The following GP6 variants were observed in gnomAD, a reference collection of about 807,000 sequenced individuals.
GP6 encodes glycoprotein VI platelet.
GP6 carries 45 observed loss-of-function variants against 37.3 expected under a neutral mutation model. The observed-to-expected ratio is 1.21, with a 90% CI of 0.95 to 1.55. The LOEUF (loss-of-function observed/expected upper bound fraction) is 1.55, where lower values mean the gene tolerates loss of function less well. Ranked by LOEUF, GP6 falls within the 40% of genes most tolerant of loss-of-function variation. The probability of loss-of-function intolerance (pLI) is 0.00; values close to 1 mark genes in which losing one functional copy is unlikely to be tolerated. For missense variants in GP6, 813 were observed against 760.2 expected, an observed-to-expected ratio of 1.07 and a Z score of -0.82; for synonymous variants, 340 against 316.4, an observed-to-expected ratio of 1.07 and a Z score of -0.79.
chr19:55,015,016 G>A lies in GP6; in HGVS notation c.929C>T (p.Ala310Val), dbSNP rs534709050. The change falls in exon 8 of 8, where the codon GCT becomes GTT. Residue 310 changes from alanine (A) to valine (V), a missense_variant. Physicochemically the swap from Ala to Val is moderately conservative, Grantham distance 64. Transcript: ENST00000310373. ...AGCGGGAGGGGCGGGAGGGGCGGAAGCGGCCTCTGCACAGCCCTGCCCCTG... is the reference window on the plus strand; with the variant it reads ...AGCGGGAGGGGCGGGAGGGGCGGAAACGGCCTCTGCACAGCCCTGCCCCTG... The A allele has an allele frequency of 5.5e-5, 89 of 1,612,082 alleles. 1 individual carries two copies. In the South Asian group the frequency reaches 9.1e-4, roughly 17 times the overall value.
chr19:55,030,638 C>T (rs564580364), intron 3 of GP6, among the ~76,000 whole-genome samples: 4 of 151,710 alleles, frequency 2.6e-5, no homozygotes, highest in South Asian at 2.1e-4. Context: ...CCGCCGCGCC[C>T]GGCCCAACCT....
rs1237760963 is a variant in GP6 at position 55,032,374 on chromosome 19, G to A, written c.90C>T (p.Leu30=). 2 of 1,613,452 alleles carry A rather than the reference G, an allele frequency of 1.2e-6. No homozygotes were observed. Among genetic ancestry groups the A allele is most frequent in the African/African-American group, 1.3e-5 (1 of 74,942 alleles). ...GCACCAGGGAGCTGGGCAGAGCCTG[G>A]AGGGAGGGCTTGGGGAGCGGTCCTG... Residue 30 remains leucine (L), a synonymous_variant, in exon 3 of 8, where the codon CTC becomes CTT. Transcript: ENST00000310373.
intron 3 of GP6, among the ~76,000 whole-genome samples, chr19:55,028,523 CTG>C (rs1026332325): frequency 3.9e-5 from 6 of 152,202 alleles, no homozygotes; most frequent in African/African-American, 9.6e-5. Flanking sequence ...AAAAAGTTAA[CTG>C]TGTCAGGTGA....
chr19:55,031,791 C>A (rs10409317), intron 3 of GP6, among the ~76,000 whole-genome samples: 1 of 151,844 alleles, frequency 6.6e-6, no homozygotes, highest in Non-Finnish European at 1.5e-5. Context: ...TGAAAACTGT[C>A]AAGAGACCCC....
At chr19:55,021,049 TTAAA>T in intron 5 of GP6, among the ~76,000 whole-genome samples, 1 of 50,236 alleles carries the variant, frequency 2.0e-5, no homozygotes. Context: ...GAGACTCTGT[TTAAA>T]AAAAAAAAAA....
chr19:55,034,338 C>G (rs191992694), intron 1 of GP6, among the ~76,000 whole-genome samples: 31 of 152,100 alleles, frequency 2.0e-4, no homozygotes, highest in African/African-American at 7.2e-4. Context: ...GGGCGGATCA[C>G]AAGGTCAGGA....
At chr19:55,015,774 T>C in intron 6 of GP6, 41 bp from the exon 7 acceptor site, 1 of 1,056,136 alleles carries the variant, frequency 9.5e-7, no homozygotes, top group Non-Finnish European at 1.5e-6. Flanking sequence ...TGAAACCATA[T>C]TCCCGCCCCC....
chr19:55,029,933 A>T (rs928363872), intron 3 of GP6, among the ~76,000 whole-genome samples: 1 of 152,058 alleles, frequency 6.6e-6, no homozygotes, highest in Non-Finnish European at 1.5e-5. Flanking sequence ...AGGATTTATA[A>T]CGCGGAATAG....
In GP6 at chr19:55,014,363, G is replaced by A. The variant is rs760673543; in HGVS notation, c.1582C>T (p.Arg528Cys). 52 of 1,612,334 alleles carry A rather than the reference G, an allele frequency of 3.2e-5. No individual in the cohort carries two copies. The East Asian group carries it at 6.0e-4, about 19-fold the overall frequency. The change falls in exon 8 of 8, where the codon CGT becomes TGT. Residue 528 changes from arginine to cysteine, a missense_variant. Arg to Cys is a radical substitution (Grantham distance 180). Transcript: ENST00000310373. ...TCTAATGTGAAGGGAAGCGGGCAACGTGCTAGTTTTACACTAAGGAAAATG... is the reference window on the plus strand; with the variant it reads ...TCTAATGTGAAGGGAAGCGGGCAACATGCTAGTTTTACACTAAGGAAAATG...
intron 1 of GP6, 107 bp from the exon 2 acceptor site, chr19:55,032,645 TA>T (rs2074611065): frequency 8.6e-7 from 1 of 1,162,990 alleles, no homozygotes; most frequent in African/African-American, 1.5e-5. Flanking sequence ...TACTCTGTCC[TA>T]ATAATTTCTT....
At chr19:55,016,280 A>G (rs1387630517) in intron 6 of GP6, among the ~76,000 whole-genome samples, 2 of 152,098 alleles carry the variant, frequency 1.3e-5, no homozygotes, top group Non-Finnish European at 2.9e-5. Context: ...TAAAATTAAC[A>G]AGATCCCTTA....
chr19:55,014,355 C>T lies in GP6; in HGVS notation c.1590G>A (p.Pro530=), dbSNP rs748340999. ...TCTTGTTTTCTAATGTGAAGGGAAGCGGGCAACGTGCTAGTTTTACACTAA... is the reference window on the plus strand; with the variant it reads ...TCTTGTTTTCTAATGTGAAGGGAAGTGGGCAACGTGCTAGTTTTACACTAA... The change falls in exon 8 of 8, where the codon CCG becomes CCA. Residue 530 remains proline, a synonymous_variant. Coordinates refer to ENST00000310373, the MANE Select transcript of GP6 (RefSeq NM_001083899.2). 1.1e-5 allele frequency: 18 copies of T among 1,610,756 alleles called. No homozygotes were observed. The highest frequency in any genetic ancestry group is 8.3e-5 in the Admixed American group (5 of 59,972).
chr19:55,024,360 A>ATGCACGCACACACGCACACACG (rs796633674), intron 5 of GP6, among the ~76,000 whole-genome samples: 1 of 130,572 alleles, frequency 7.7e-6, no homozygotes, highest in African/African-American at 2.8e-5. Flanking sequence ...ACGCACACAC[A>ATGCACGCACACACGCACACACG]CATATGCACG....
chr19:55,032,594 C>T (rs973810726), intron 1 of GP6, 56 bp from the exon 2 acceptor site: 7 of 1,585,304 alleles, frequency 4.4e-6, no homozygotes, highest in Non-Finnish European at 6.1e-6. Flanking sequence ...GACATTCCTG[C>T]CTGCTGGGCG....
In GP6 at chr19:55,027,763, T is replaced by A. The variant is rs371526523; in HGVS notation, c.425A>T (p.Gln142Leu). The A allele has an allele frequency of 2.5e-6, 4 of 1,613,788 alleles. No homozygotes were observed. The African/African-American group carries it at 5.3e-5, about 22-fold the overall frequency. Residue 142 changes from glutamine to leucine, a missense_variant, in exon 4 of 8, where the codon CAA becomes CTA. By Grantham distance (113) the Gln-to-Leu change is moderately radical. Coordinates refer to ENST00000310373, the MANE Select transcript of GP6 (RefSeq NM_001083899.2). ...GTCCCCTTCCTTGTACAGAGCAAATTGGTCAAAGCCATACCGAGTCTGACA... is the reference window on the plus strand; with the variant it reads ...GTCCCCTTCCTTGTACAGAGCAAATAGGTCAAAGCCATACCGAGTCTGACA...
intron 5 of GP6, among the ~76,000 whole-genome samples, chr19:55,020,749 C>T (rs2074046897): frequency 6.6e-6 from 1 of 151,972 alleles, no homozygotes; most frequent in Non-Finnish European, 1.5e-5. Flanking sequence ...AATGGGATTG[C>T]TGGGTCAAAT....
intron 3 of GP6, among the ~76,000 whole-genome samples, chr19:55,028,942 G>T (rs907128821): frequency 4.6e-5 from 7 of 151,952 alleles, no homozygotes; most frequent in Non-Finnish European, 1.0e-4. Flanking sequence ...CGAGGCTGCA[G>T]TGAGCTATGA....
chr19:55,025,727 C>T (rs926010709), intron 4 of GP6, among the ~76,000 whole-genome samples: 2 of 147,340 alleles, frequency 1.4e-5, no homozygotes, highest in East Asian at 2.0e-4. Flanking sequence ...CTTAGCCAGG[C>T]GTGGTGGCTC....
chr19:55,017,266 A>ATG (rs2073912148), intron 6 of GP6, among the ~76,000 whole-genome samples: 1 of 151,838 alleles, frequency 6.6e-6, no homozygotes, highest in South Asian at 2.1e-4. Flanking sequence ...ACAGGTGCCC[A>ATG]CCACCACGCC....
Sources: allele counts gnomAD v4.1 joint callset (sites outside exome capture counted in the v4.1 genomes callset), GRCh38; gene constraint gnomAD v4.1.1; transcripts MANE v1.5; gene names NCBI Gene and HGNC (gene_info 2026-07-23, HGNC 2026-07-21).